Variants in FREM1 observed in about 807,000 individuals in gnomAD.
FREM1 encodes the protein FRAS1 related extracellular matrix 1.
Under a neutral mutation model 210.1 loss-of-function variants are expected in FREM1, and 220 were observed. That is an observed-to-expected ratio of 1.05 (90% CI 0.94 to 1.17). FREM1 has a LOEUF of 1.17. FREM1 is among the 50% of genes most tolerant of loss of function. The pLI is 0.00. For missense variants in FREM1, 3,454 were observed against 2,675.5 expected (o/e 1.29, Z -6.42); for synonymous variants, 1,189 against 980.2 (o/e 1.21, Z -3.98).
intron 1 of FREM1, among the ~76,000 whole-genome samples, chr9:14,891,636 G>A (rs1314674210): frequency 2.6e-5 from 4 of 152,186 alleles, no homozygotes; most frequent in Non-Finnish European, 5.9e-5. Flanking sequence ...GGACTAAATA[G>A]GAAGGCAGCA....
intron 1 of FREM1, among the ~76,000 whole-genome samples, chr9:14,876,041 G>T (rs960901252): frequency 2.6e-5 from 4 of 152,140 alleles, no homozygotes; most frequent in East Asian, 3.9e-4. Flanking sequence ...TGGAAGTTTT[G>T]TCTCAGAGGA....
chr9:14,753,034 C>T (rs1237739358), intron 29 of FREM1, among the ~76,000 whole-genome samples: 1 of 152,154 alleles, frequency 6.6e-6, no homozygotes, highest in African/African-American at 2.4e-5. Flanking sequence ...AGGACTAACT[C>T]TTTAGGTTAA....
chr9:14,848,371 A>G (rs1316114379), intron 7 of FREM1, among the ~76,000 whole-genome samples: 1 of 152,230 alleles, frequency 6.6e-6, no homozygotes, highest in East Asian at 1.9e-4. Context: ...ACAGCTCAAT[A>G]TCACAAATAG....
At position 14,824,930 on chromosome 9, in the gene FREM1, A is replaced by G. The variant is rs768358583; in HGVS notation, c.1944T>C (p.Ser648=). The G allele has an allele frequency of 1.2e-6, 2 of 1,611,032 alleles. No individual in the cohort carries two copies. The highest frequency in any genetic ancestry group is 2.2e-5 in the East Asian group (1 of 44,792). The part of the protein sequence containing the change: ...DQLPKEAPGV[S]RHLVVKETEV... Reference sequence around the variant, plus strand: ...CAGTTTCCTTGACAACCAAATGCCGAGAAACTCCAGGAGCCTCTTTTGGAA... The same window carrying G: ...CAGTTTCCTTGACAACCAAATGCCGGGAAACTCCAGGAGCCTCTTTTGGAA... The change falls in exon 11 of 37, where the codon TCT becomes TCC. Residue 648 remains serine (S), a synonymous_variant. Coordinates refer to ENST00000380880, the MANE Select transcript of FREM1 (RefSeq NM_001379081.2).
In FREM1 at chr9:14,876,351, G is replaced by A. The variant is rs576945737; in HGVS notation, c.-267-7107C>T. On this transcript the variant is annotated intron_variant, in intron 1 of 36. Coordinates refer to ENST00000380880, the MANE Select transcript of FREM1 (RefSeq NM_001379081.2). ...TCCACGCAGTTCGAGCTTCCTGGCT[G>A]CTTTGTTTACCTAAGCAAGCCTGGG... Among the ~76,000 whole-genome samples the A allele has an allele frequency of 6.9e-3, 1,054 of 151,702 alleles. 9 individuals are homozygous for A. The highest frequency in any genetic ancestry group is 0.025 in the African/African-American group (1,017 of 41,352).
chr9:14,903,885 G>A (rs1564207906), intron 1 of FREM1, among the ~76,000 whole-genome samples: 1 of 152,086 alleles, frequency 6.6e-6, no homozygotes, highest in African/African-American at 2.4e-5. Flanking sequence ...ACTTTGGAAG[G>A]CCGAGGCGGG....
At chr9:14,844,577 C>G (rs960593399) in intron 8 of FREM1, among the ~76,000 whole-genome samples, 1 of 152,174 alleles carries the variant, frequency 6.6e-6, no homozygotes, top group Non-Finnish European at 1.5e-5. Flanking sequence ...CTTCACACCA[C>G]GTGGCTGTGT....
At chr9:14,832,099 C>A (rs541598036) in intron 10 of FREM1, among the ~76,000 whole-genome samples, 1 of 152,242 alleles carries the variant, frequency 6.6e-6, no homozygotes, top group East Asian at 1.9e-4. Flanking sequence ...CTCCTTCGAC[C>A]TTGAAACTTT....
intron 18 of FREM1, 72 bp from the exon 19 acceptor site, chr9:14,805,224 C>G (rs1282174741): frequency 1.3e-6 from 1 of 792,524 alleles, no homozygotes; most frequent in Non-Finnish European, 1.9e-6. Context: ...TAATCCTTAA[C>G]CCAATAATAG....
intron 3 of FREM1, among the ~76,000 whole-genome samples, chr9:14,859,917 C>A (rs984628596): frequency 1.3e-5 from 2 of 152,114 alleles, no homozygotes; most frequent in African/African-American, 4.8e-5. Context: ...CATAGGTGGT[C>A]ATTTGCAGCC....
intron 16 of FREM1, among the ~76,000 whole-genome samples, chr9:14,810,849 G>T (rs12347393): frequency 0.1 from 15,269 of 152,208 alleles, 958 homozygotes; most frequent in South Asian, 0.17. Flanking sequence ...GACTCTTTTA[G>T]ATATGTAATA....
At chr9:14,791,693 T>C (rs1289691779) in intron 22 of FREM1, among the ~76,000 whole-genome samples, 2 of 151,978 alleles carry the variant, frequency 1.3e-5, no homozygotes, top group African/African-American at 2.4e-5. Flanking sequence ...GAGTAAGTAG[T>C]CTCCCTGGAG....
chr9:14,872,208 A>G (rs980521557), intron 1 of FREM1, among the ~76,000 whole-genome samples: 5 of 152,194 alleles, frequency 3.3e-5, no homozygotes, highest in African/African-American at 7.2e-5. Context: ...TGTGAAGAAA[A>G]TCATTGGTAG....
chr9:14,868,584 A>G (rs1831977524), intron 2 of FREM1, among the ~76,000 whole-genome samples, 160 bp downstream of exon 2: 1 of 152,222 alleles, frequency 6.6e-6, no homozygotes. Flanking sequence ...TACTATGCCT[A>G]CTAATTGCAA....
intron 1 of FREM1, among the ~76,000 whole-genome samples, chr9:14,909,120 C>G (rs963756887): frequency 6.6e-6 from 1 of 152,062 alleles, no homozygotes; most frequent in African/African-American, 2.4e-5. Context: ...CTATAAACAC[C>G]AATTGGCTCC....
At chr9:14,859,111 T>G in intron 4 of FREM1, 72 bp downstream of exon 4, 1 of 1,239,866 alleles carries the variant, frequency 8.1e-7, no homozygotes, top group East Asian at 2.4e-5. Context: ...TTCATCATGG[T>G]GGAAGGTGAG....
intron 16 of FREM1, among the ~76,000 whole-genome samples, chr9:14,810,084 T>C (rs987321711): frequency 1.3e-5 from 2 of 152,074 alleles, no homozygotes; most frequent in African/African-American, 4.8e-5. Flanking sequence ...TCAGCAAAGT[T>C]TCCAGATGCC....
intron 1 of FREM1, among the ~76,000 whole-genome samples, chr9:14,873,558 C>CTTT (rs1449105265): frequency 3.8e-5 from 4 of 106,468 alleles, no homozygotes; most frequent in African/African-American, 1.6e-4. Flanking sequence ...ATTCTTCTCT[C>CTTT]TTTTCTTCAT....
chr9:14,823,119 T>C (rs1821682853), intron 13 of FREM1, 41 bp downstream of exon 13: 1 of 1,493,644 alleles, frequency 6.7e-7, no homozygotes, highest in Non-Finnish European at 9.1e-7. Context: ...CTCTCCTTTC[T>C]TTTCCTCCTT....
Sources: gnomAD v4.1 joint callset for allele counts (sites outside exome capture counted in the v4.1 genomes callset) on GRCh38, gnomAD v4.1.1 for gene constraint, MANE v1.5 for transcripts, NCBI Gene and HGNC (gene_info 2026-07-23, HGNC 2026-07-21) for gene names.